Variants in ETFB observed in about 807,000 individuals in gnomAD.
ETFB encodes electron transfer flavoprotein subunit beta, also known as beta-ETF.
ETFB carries 20 observed loss-of-function variants against 25.6 expected under a neutral mutation model. That is an observed-to-expected ratio of 0.78 (90% confidence interval 0.55 to 1.14). The LOEUF (loss-of-function observed/expected upper bound fraction) is 1.14, where lower values mean the gene tolerates loss of function less well. ETFB is among the 50% of genes most tolerant of loss of function. The probability of loss-of-function intolerance (pLI) is 0.00; values close to 1 mark genes in which losing one functional copy is unlikely to be tolerated. For missense variants in ETFB, 286 were observed against 342.6 expected (o/e 0.83, Z 1.30); for synonymous variants, 142 against 146.7 (o/e 0.97, Z 0.23).
chr19:51,351,283 C>T (rs1985927184), intron 3 of ETFB, among the ~76,000 whole-genome samples: 1 of 152,242 alleles, frequency 6.6e-6, no homozygotes, highest in South Asian at 2.1e-4. Context: ...GCTGGGGTCA[C>T]TGGGCTGGTG....
chr19:51,366,322 G>T lies in ETFB; in HGVS notation c.5C>A (p.Ala2Glu), dbSNP rs1247804968. ...GACAGCTACGAGCACGCGCAGCTCC[G>T]CCATCTTCCCGCCGCAGCCACTTAC... The part of the protein sequence containing the change: M[A>E]ELRVLVAVKR... Residue 2 changes from alanine (A) to glutamate (E), a missense_variant, in exon 1 of 6, where the codon GCG (alanine) becomes GAG (glutamate). Coordinates refer to ENST00000309244, the MANE Select transcript of ETFB (RefSeq NM_001985.3). 1 of 1,611,020 alleles carries T rather than the reference G, an allele frequency of 6.2e-7. No homozygotes were observed. The highest frequency in any genetic ancestry group is 8.5e-7 in the Non-Finnish European group (1 of 1,179,192).
intron 1 of ETFB, among the ~76,000 whole-genome samples, chr19:51,364,050 G>A (rs939874584): frequency 3.9e-5 from 6 of 152,202 alleles, no homozygotes; most frequent in Non-Finnish European, 5.9e-5. Context: ...AGGCAGGCTG[G>A]GAGCAGGGGA....
chr19:51,355,652 T>C (rs998277005), intron 1 of ETFB: 1 of 152,128 alleles, frequency 6.6e-6, no homozygotes, highest in Non-Finnish European at 1.5e-5. Flanking sequence ...CATATGTTTA[T>C]TGCGGCACTA....
chr19:51,361,514 G>T (rs114654369), intron 1 of ETFB, among the ~76,000 whole-genome samples: 1 of 152,106 alleles, frequency 6.6e-6, no homozygotes, highest in African/African-American at 2.4e-5. Flanking sequence ...GGGCAAGTGC[G>T]TGGAGCCCAA....
chr19:51,346,067 CTG>C (rs1985771042), intron 5 of ETFB: 1 of 157,320 alleles, frequency 6.4e-6, no homozygotes, highest in Non-Finnish European at 1.3e-5. Context: ...TGCCTATAGA[CTG>C]AGATGATGCG....
At chr19:51,357,760 G>C (rs1280172874) in intron 1 of ETFB, among the ~76,000 whole-genome samples, 1 of 152,074 alleles carries the variant, frequency 6.6e-6, no homozygotes, top group Non-Finnish European at 1.5e-5. Context: ...CAAAGGCAGG[G>C]GATTACAGGC....
chr19:51,356,981 G>A (rs1185797342), intron 1 of ETFB: 1 of 151,954 alleles, frequency 6.6e-6, no homozygotes, highest in East Asian at 1.9e-4. Flanking sequence ...GGACTCTTGA[G>A]ATGGCATTCA....
At chr19:51,356,679 A>C (rs898774135) in intron 1 of ETFB, 24 of 152,084 alleles carry the variant, frequency 1.6e-4, no homozygotes, top group African/African-American at 5.3e-4. Context: ...GTGAACCACT[A>C]ACCACTCTCC....
At chr19:51,345,597 C>T (rs1985754706) in intron 5 of ETFB, 1 of 601,760 alleles carries the variant, frequency 1.7e-6, no homozygotes, top group Non-Finnish European at 3.0e-6. Context: ...ACTACTGCAG[C>T]AGTCCTCCTT....
intron 1 of ETFB, chr19:51,354,645 G>C (rs751905494): frequency 2.5e-6 from 4 of 1,612,936 alleles, no homozygotes; most frequent in Non-Finnish European, 3.4e-6. Flanking sequence ...ACATTTTACT[G>C]TATCTCCAAG....
intron 3 of ETFB, among the ~76,000 whole-genome samples, 160 bp from the exon 4 acceptor site, chr19:51,350,551 C>G (rs1985910526): frequency 6.6e-6 from 1 of 152,130 alleles, no homozygotes; most frequent in African/African-American, 2.4e-5. Flanking sequence ...ATGGTACAAT[C>G]TTGGCTCACT....
intron 4 of ETFB, 183 bp from the exon 5 acceptor site, chr19:51,347,241 C>T (rs1985820968): frequency 9.4e-6 from 6 of 636,066 alleles, no homozygotes; most frequent in Admixed American, 2.4e-5. Context: ...TTTTCCTTTC[C>T]CTGAGAGCCA....
intron 4 of ETFB, chr19:51,348,122 T>C (rs910005225): frequency 1.3e-5 from 2 of 152,190 alleles, no homozygotes; most frequent in Non-Finnish European, 2.9e-5. Flanking sequence ...TAAATTTAAA[T>C]ACTGATAATT....
At chr19:51,359,465 G>C (rs1194884842) in intron 1 of ETFB, among the ~76,000 whole-genome samples, 1 of 151,876 alleles carries the variant, frequency 6.6e-6, no homozygotes, top group Non-Finnish European at 1.5e-5. Context: ...GTGAGTCAGG[G>C]AGGCTTCTGA....
At chr19:51,353,438 T>A in intron 2 of ETFB, 148 bp from the exon 3 acceptor site, 1 of 605,290 alleles carries the variant, frequency 1.7e-6, no homozygotes, top group Non-Finnish European at 2.9e-6. Context: ...CATCCCCTCC[T>A]TCCTCAGACC....
At chr19:51,364,109 G>A (rs1009161778) in intron 1 of ETFB, among the ~76,000 whole-genome samples, 1 of 152,106 alleles carries the variant, frequency 6.6e-6, no homozygotes, top group African/African-American at 2.4e-5. Context: ...CTGGGTAGAG[G>A]TGGGCTGAGA....
At chr19:51,360,869 T>G (rs1986206445) in intron 1 of ETFB, among the ~76,000 whole-genome samples, 1 of 152,102 alleles carries the variant, frequency 6.6e-6, no homozygotes, top group African/African-American at 2.4e-5. Context: ...CACTGCAAAC[T>G]CCACCTTCTG....
At chr19:51,346,697 G>A in intron 5 of ETFB, 1 of 589,710 alleles carries the variant, frequency 1.7e-6, no homozygotes, top group Non-Finnish European at 3.0e-6. Context: ...CTCCCTGCTA[G>A]CCAAAGCAGC....
rs370000302 is a variant in ETFB at position 51,347,108 on chromosome 19, G to A, written c.439-50C>T. 16 of 1,595,458 alleles carry A rather than the reference G, an allele frequency of 1.0e-5. No homozygotes were observed. In the African/African-American group the frequency reaches 1.2e-4, roughly 12 times the overall value. ...GAGTGGGTGAGGCTAATTCAGGTCC[G>A]ACCCGAGCAGTCTGCTTATGCCACT... On this transcript the variant is annotated intron_variant, in intron 4 of 5. Transcript: ENST00000309244.
Sources: allele counts gnomAD v4.1 joint callset (sites outside exome capture counted in the v4.1 genomes callset), GRCh38; gene constraint gnomAD v4.1.1; transcripts MANE v1.5; gene names NCBI Gene and HGNC (gene_info 2026-07-23, HGNC 2026-07-21).